FAM81B: variants seen among roughly 807,000 people sequenced by gnomAD.
FAM81B encodes family with sequence similarity 81 member B.
In FAM81B, 60 loss-of-function variants were observed where a neutral mutation model predicts 58.7. The ratio of observed to expected loss-of-function variants is 1.02; its 90% CI spans 0.83 to 1.27. FAM81B has a LOEUF of 1.27. Among genes scored for constraint, FAM81B ranks in the 50% most tolerant of loss-of-function variants. The pLI is 0.00. For synonymous variants in FAM81B, 189 were observed against 179.6 expected, an observed-to-expected ratio of 1.05 and a Z score of -0.42; for missense variants, 491 against 522.0, an observed-to-expected ratio of 0.94 and a Z score of 0.58.
chr5:95,398,906 GAAATAC>G (rs1294755538), intron 3 of FAM81B, among the ~76,000 whole-genome samples: 1 of 152,146 alleles, frequency 6.6e-6, no homozygotes, highest in Non-Finnish European at 1.5e-5. Flanking sequence ...GAAAAGGAGG[GAAATAC>G]AAATTGGAAC....
intron 3 of FAM81B, among the ~76,000 whole-genome samples, chr5:95,407,288 ACACACG>A (rs1367706540): frequency 6.9e-6 from 1 of 144,508 alleles, no homozygotes; most frequent in Non-Finnish European, 1.6e-5. Flanking sequence ...ACACACACAC[ACACACG>A]CACATCTGCC....
chr5:95,428,975 C>T (rs1211331202), intron 6 of FAM81B, among the ~76,000 whole-genome samples: 1 of 152,100 alleles, frequency 6.6e-6, no homozygotes, highest in African/African-American at 2.4e-5. Flanking sequence ...CTTGAGTCCA[C>T]CATTGCTGTT....
rs543492248 is a variant in FAM81B, at chr5:95,411,663, A to G, written c.294-2284A>G. On this transcript the variant is annotated intron_variant, in intron 3 of 9. Coordinates refer to ENST00000283357, the MANE Select transcript of FAM81B (RefSeq NM_152548.3). Reference sequence around the variant, plus strand: ...CTAAGTCTTTTGATAAGATTGATCCAAAACTTCAATGAGTCACTACGGCAT... The same window carrying G: ...CTAAGTCTTTTGATAAGATTGATCCGAAACTTCAATGAGTCACTACGGCAT... Among the ~76,000 whole-genome samples, 4 of 152,350 alleles carry G rather than the reference A, an allele frequency of 2.6e-5. No homozygotes were observed. In the South Asian group the frequency reaches 8.3e-4, roughly 32 times the overall value.
At chr5:95,428,861 G>A in intron 6 of FAM81B, 129 bp downstream of exon 6, 1 of 1,239,266 alleles carries the variant, frequency 8.1e-7, no homozygotes, top group Non-Finnish European at 1.1e-6. Flanking sequence ...GTGTAATTCT[G>A]ACAGCTCACT....
chr5:95,421,504 T>G (rs1162927222), intron 5 of FAM81B, among the ~76,000 whole-genome samples: 1 of 152,046 alleles, frequency 6.6e-6, no homozygotes, highest in Non-Finnish European at 1.5e-5. Context: ...TTTGAGAAAG[T>G]TGGGACAGGA....
chr5:95,409,486 T>TTTTTTTCTTTTTTTTTTTTTTGAGACGG, intron 3 of FAM81B, among the ~76,000 whole-genome samples: 2 of 151,518 alleles, frequency 1.3e-5, no homozygotes, highest in South Asian at 2.1e-4. Flanking sequence ...GAATTTTTCT[T>TTTTTTTCTTTTTTTTTTTTTTGAGACGG]AATGTGGCTA....
chr5:95,392,716 A>T, intron 1 of FAM81B, 78 bp from the exon 2 acceptor site: 1 of 1,237,248 alleles, frequency 8.1e-7, no homozygotes, highest in South Asian at 1.4e-5. Flanking sequence ...AACTGCCCTC[A>T]ATTAAAAAAA....
chr5:95,416,606 T>G (rs1762545104), intron 4 of FAM81B, among the ~76,000 whole-genome samples: 1 of 152,194 alleles, frequency 6.6e-6, no homozygotes, highest in African/African-American at 2.4e-5. Flanking sequence ...CAAATGGTGA[T>G]CTCTACAAAT....
Position 95,392,872 on chromosome 5 carries a change from G to A in FAM81B, c.203G>A (p.Gly68Asp), listed in dbSNP as rs1474495755. Residue 68 changes from glycine (G) to aspartate (D), a missense_variant, in exon 2 of 10, where the codon GGC becomes GAC. By Grantham distance (94) the Gly-to-Asp change is moderately conservative. Transcript: ENST00000283357. ...QPVEPDGPLPGSDNNQEKKVR... is the reference protein window; with the variant it reads ...QPVEPDGPLPDSDNNQEKKVR... ...GTTGAACCTGATGGCCCCCTTCCTG[G>A]CTCAGACAATAACCAAGAAAAGAAA... 4 of 1,610,824 alleles carry A rather than the reference G, an allele frequency of 2.5e-6. No homozygotes were observed. In the East Asian group the frequency reaches 6.7e-5, roughly 27 times the overall value.
At chr5:95,409,518 A>G (rs553900092) in intron 3 of FAM81B, among the ~76,000 whole-genome samples, 2 of 139,842 alleles carry the variant, frequency 1.4e-5, no homozygotes, top group Non-Finnish European at 3.2e-5. Context: ...AAAATTGTCT[A>G]TAAGGTTTAC....
At chr5:95,434,142 A>G (rs1002898533) in intron 6 of FAM81B, among the ~76,000 whole-genome samples, 2 of 152,180 alleles carry the variant, frequency 1.3e-5, no homozygotes, top group Admixed American at 1.3e-4. Context: ...CTGTAGGTCA[A>G]AATTTGGGAG....
intron 5 of FAM81B, chr5:95,423,956 AC>A (rs1277204434): frequency 1.6e-6 from 2 of 1,245,294 alleles, no homozygotes; most frequent in African/African-American, 3.1e-5. Flanking sequence ...GAGAAAGACA[AC>A]ATGTCCCCTT....
chr5:95,407,634 T>A (rs1762292096), intron 3 of FAM81B, among the ~76,000 whole-genome samples: 1 of 152,210 alleles, frequency 6.6e-6, no homozygotes, highest in Non-Finnish European at 1.5e-5. Context: ...GTTTTTTGTC[T>A]GAATTTTCAG....
rs117483539 is a variant in FAM81B, at chr5:95,449,807, C to A, written c.1226-342C>A. Among the ~76,000 whole-genome samples the A allele has an allele frequency of 4.0e-4, 61 of 151,930 alleles. 1 individual carries two copies. In the East Asian group the frequency reaches 0.011, roughly 27 times the overall value. Reference sequence around the variant, plus strand: ...CTTTACCTTCAATTTGGTAACAAGACTGAAAAAAAATCACACAAGTCTCTC... The same window carrying A: ...CTTTACCTTCAATTTGGTAACAAGAATGAAAAAAAATCACACAAGTCTCTC... On this transcript the variant is annotated intron_variant, in intron 9 of 9. Coordinates refer to ENST00000283357, the MANE Select transcript of FAM81B (RefSeq NM_152548.3).
At chr5:95,431,749 A>G (rs893944234) in intron 6 of FAM81B, among the ~76,000 whole-genome samples, 1 of 151,992 alleles carries the variant, frequency 6.6e-6, no homozygotes, top group Non-Finnish European at 1.5e-5. Context: ...GGGCTTCGAT[A>G]TGCCCTCTAA....
chr5:95,446,542 C>T lies in FAM81B; in HGVS notation c.894-20C>T. 2 of 1,547,198 alleles carry T rather than the reference C, an allele frequency of 1.3e-6. No individual in the cohort carries two copies. Among genetic ancestry groups the T allele is most frequent in the Non-Finnish European group, 1.7e-6 (2 of 1,151,254 alleles). On this transcript the variant is annotated intron_variant, in intron 7 of 9. Transcript: ENST00000283357. ...TTTAAATTAACTTATTTAAATGAAA[C>T]AAAACATTTTTTCCCATAGATTTCA...
intron 2 of FAM81B, 140 bp downstream of exon 2, chr5:95,393,037 C>T: frequency 1.5e-6 from 1 of 677,048 alleles, no homozygotes; most frequent in South Asian, 3.3e-5. Context: ...GGCAAAATGG[C>T]TGCTGAAAAC....
intron 3 of FAM81B, among the ~76,000 whole-genome samples, chr5:95,407,190 G>C (rs1016481021): frequency 2.6e-5 from 4 of 151,980 alleles, no homozygotes; most frequent in African/African-American, 7.3e-5. Flanking sequence ...TAGGAGCCAA[G>C]GTGAGCAGTG....
At chr5:95,396,035 C>T (rs1761956154) in intron 2 of FAM81B, 76 bp from the exon 3 acceptor site, 1 of 1,194,288 alleles carries the variant, frequency 8.4e-7, no homozygotes, top group African/African-American at 1.5e-5. Flanking sequence ...AATTAAAACT[C>T]TTTAAAGATA....
Sources: gnomAD v4.1 joint callset for allele counts (sites outside exome capture counted in the v4.1 genomes callset) on GRCh38, gnomAD v4.1.1 for gene constraint, MANE v1.5 for transcripts, NCBI Gene and HGNC (gene_info 2026-07-23, HGNC 2026-07-21) for gene names.